The following PTPRT variants were observed in gnomAD, a reference collection of about 807,000 sequenced individuals.
PTPRT encodes protein tyrosine phosphatase receptor type T, also known as receptor-type tyrosine-protein phosphatase T.
Under a neutral mutation model 176.8 loss-of-function variants are expected in PTPRT, and 56 were observed. The observed-to-expected ratio is 0.32, with a 90% CI of 0.26 to 0.40. The LOEUF (loss-of-function observed/expected upper bound fraction) is 0.40, where lower values mean the gene tolerates loss of function less well. Among genes scored for constraint, PTPRT ranks in the 10% least tolerant of loss-of-function variants. PTPRT has a pLI of 1.00. For missense variants in PTPRT, 1,540 were observed against 1,908.2 expected, an observed-to-expected ratio of 0.81 and a Z score of 3.60; for synonymous variants, 783 against 739.0, an observed-to-expected ratio of 1.06 and a Z score of -0.96.
chr20:43,058,622 T>TA (rs1987335283), intron 1 of PTPRT, among the ~76,000 whole-genome samples: 2 of 152,124 alleles, frequency 1.3e-5, no homozygotes, highest in African/African-American at 2.4e-5. Context: ...CAATAAACGC[T>TA]TCATGCAAAA....
chr20:42,666,086 G>A (rs1388509662), intron 7 of PTPRT, among the ~76,000 whole-genome samples: 1 of 151,344 alleles, frequency 6.6e-6, no homozygotes, highest in Non-Finnish European at 1.5e-5. Flanking sequence ...AAAACTTAAA[G>A]TATAATAAAA....
At chr20:42,229,719 T>G (rs2056095077) in intron 15 of PTPRT, among the ~76,000 whole-genome samples, 1 of 152,192 alleles carries the variant, frequency 6.6e-6, no homozygotes, top group Non-Finnish European at 1.5e-5. Context: ...CTGTTTTACA[T>G]ACCAGGCAAC....
chr20:42,237,171 C>G (rs777888452), intron 14 of PTPRT, among the ~76,000 whole-genome samples: 1 of 152,208 alleles, frequency 6.6e-6, no homozygotes, highest in Non-Finnish European at 1.5e-5. Flanking sequence ...AAGTCATTCC[C>G]TTCAAGCTCT....
At chr20:43,049,113 C>A (rs550227137) in intron 1 of PTPRT, among the ~76,000 whole-genome samples, 2 of 152,148 alleles carry the variant, frequency 1.3e-5, no homozygotes, top group African/African-American at 2.4e-5. Context: ...ATCCCAGGAA[C>A]AGAAGAAAAG....
intron 8 of PTPRT, among the ~76,000 whole-genome samples, chr20:42,464,594 A>C (rs2071073855): frequency 6.6e-6 from 1 of 152,150 alleles, no homozygotes; most frequent in African/African-American, 2.4e-5. Flanking sequence ...CACTTGAAAA[A>C]CATAATTGCA....
intron 6 of PTPRT, among the ~76,000 whole-genome samples, chr20:42,690,713 G>T (rs1383580006): frequency 6.6e-6 from 1 of 152,198 alleles, no homozygotes; most frequent in East Asian, 1.9e-4. Flanking sequence ...CTTACAAAGG[G>T]AAGTGAGGTG....
At chr20:43,041,661 T>C (rs1986611325) in intron 1 of PTPRT, among the ~76,000 whole-genome samples, 1 of 152,236 alleles carries the variant, frequency 6.6e-6, no homozygotes, top group African/African-American at 2.4e-5. Flanking sequence ...ATCCAACCTA[T>C]GGTGAGCAAA....
chr20:42,151,383 T>G (rs1171250018), intron 17 of PTPRT, among the ~76,000 whole-genome samples: 2 of 152,140 alleles, frequency 1.3e-5, no homozygotes, highest in Non-Finnish European at 2.9e-5. Flanking sequence ...CTCCCACTTA[T>G]GAGAACATGT....
intron 1 of PTPRT, among the ~76,000 whole-genome samples, chr20:43,148,115 T>C (rs545104754): frequency 9.2e-5 from 14 of 152,166 alleles, no homozygotes; most frequent in Non-Finnish European, 1.5e-4. Context: ...CTGGGCTGGT[T>C]GGGTGGGGGG....
chr20:42,559,448 A>G (rs960899264), intron 7 of PTPRT, among the ~76,000 whole-genome samples: 1 of 152,190 alleles, frequency 6.6e-6, no homozygotes, highest in African/African-American at 2.4e-5. Context: ...TCTTGTCTCT[A>G]TGCCATACTT....
intron 7 of PTPRT, among the ~76,000 whole-genome samples, chr20:42,584,635 AATATTT>A (rs1273981578): frequency 6.6e-6 from 1 of 152,070 alleles, no homozygotes; most frequent in African/African-American, 2.4e-5. Flanking sequence ...TCACAATATT[AATATTT>A]ATATGTTTAT....
intron 17 of PTPRT, among the ~76,000 whole-genome samples, chr20:42,143,578 G>T (rs993906506): frequency 2.0e-5 from 3 of 149,488 alleles, no homozygotes; most frequent in Non-Finnish European, 3.0e-5. Context: ...AAAAAAAGTT[G>T]TGGCAGTACT....
At chr20:43,163,798 T>C (rs1434171196) in intron 1 of PTPRT, among the ~76,000 whole-genome samples, 1 of 152,188 alleles carries the variant, frequency 6.6e-6, no homozygotes, top group Non-Finnish European at 1.5e-5. Context: ...CTATCTCATG[T>C]GTGTGTCTTT....
chr20:43,054,827 T>C (rs1037167246), intron 1 of PTPRT, among the ~76,000 whole-genome samples: 1 of 152,038 alleles, frequency 6.6e-6, no homozygotes, highest in African/African-American at 2.4e-5. Flanking sequence ...AGCAGGAAGG[T>C]TTACAGATTT....
At chr20:42,737,056 T>C (rs147612613) in intron 6 of PTPRT, among the ~76,000 whole-genome samples, 6 of 152,280 alleles carry the variant, frequency 3.9e-5, no homozygotes, top group Admixed American at 2.6e-4. Context: ...GCGGATTCAA[T>C]TGTGTCAACC....
At chr20:42,885,146 A>T (rs1306530783) in intron 2 of PTPRT, among the ~76,000 whole-genome samples, 1 of 147,228 alleles carries the variant, frequency 6.8e-6, no homozygotes, top group Non-Finnish European at 1.5e-5. Flanking sequence ...ATAATAATAT[A>T]ATAATATATA....
intron 7 of PTPRT, among the ~76,000 whole-genome samples, chr20:42,638,354 G>A (rs1358144252): frequency 2.0e-5 from 3 of 152,036 alleles, no homozygotes; most frequent in Admixed American, 6.6e-5. Flanking sequence ...CTGCCTGAGC[G>A]GTCGAAACAT....
intron 7 of PTPRT, among the ~76,000 whole-genome samples, chr20:42,664,101 G>A (rs1438431232): frequency 2.0e-5 from 3 of 152,082 alleles, no homozygotes; most frequent in African/African-American, 7.2e-5. Context: ...AAATATATAG[G>A]TAGGTAATAT....
In PTPRT at chr20:42,821,004, T is replaced by A. The variant is rs2145655263; in HGVS notation, c.215-29538A>T. Among the ~76,000 whole-genome samples the A allele has an allele frequency of 1.3e-5, 2 of 152,336 alleles. 1 individual carries two copies. The highest frequency in any genetic ancestry group is 4.1e-4 in the South Asian group (2 of 4,828). The stretch of plus-strand genomic sequence containing the variant: ...GAAATGCAAACAGGAGCTGGTACCA[T>A]TCCTTCTGAAACTATTCCAAACAAT... On this transcript the variant is annotated intron_variant, in intron 2 of 30. Coordinates refer to ENST00000373187, the MANE Select transcript of PTPRT (RefSeq NM_007050.6).
Sources: allele counts gnomAD v4.1 joint callset (sites outside exome capture counted in the v4.1 genomes callset), GRCh38; gene constraint gnomAD v4.1.1; transcripts MANE v1.5; gene names NCBI Gene and HGNC (gene_info 2026-07-23, HGNC 2026-07-21).